The following IMMP2L variants were observed in gnomAD, a reference collection of about 807,000 sequenced individuals.
IMMP2L encodes the protein mitochondrial inner membrane protease subunit 2.
IMMP2L carries 18 observed loss-of-function variants against 19.3 expected under a neutral mutation model. The ratio of observed to expected loss-of-function variants is 0.93; its 90% confidence interval spans 0.64 to 1.38. The LOEUF is 1.38. Among genes scored for constraint, IMMP2L ranks in the 40% most tolerant of loss-of-function variants. The pLI is 0.00. For missense variants in IMMP2L, 233 were observed against 218.2 expected (o/e 1.07, Z -0.43); for synonymous variants, 76 against 73.0 (o/e 1.04, Z -0.21).
chr7:111,299,355 T>A (rs998246427), intron 3 of IMMP2L, among the ~76,000 whole-genome samples: 1 of 152,132 alleles, frequency 6.6e-6, no homozygotes, highest in Non-Finnish European at 1.5e-5. Context: ...ACACCAGTTA[T>A]CACTAAATAG....
intron 3 of IMMP2L, among the ~76,000 whole-genome samples, chr7:110,972,369 A>G (rs1006009620): frequency 3.3e-5 from 5 of 152,088 alleles, no homozygotes; most frequent in Non-Finnish European, 7.4e-5. Context: ...TAGTTTGTCA[A>G]TGCTTTAACC....
intron 3 of IMMP2L, among the ~76,000 whole-genome samples, chr7:111,028,917 ACT>A (rs1186362665): frequency 6.6e-6 from 1 of 152,148 alleles, no homozygotes; most frequent in East Asian, 1.9e-4. Flanking sequence ...ATGTCACTGG[ACT>A]CTGAACCTCC....
At position 110,904,554 on chromosome 7, in the gene IMMP2L, T is replaced by C. The variant is rs116163166; in HGVS notation, c.306-17859A>G. On this transcript the variant is annotated intron_variant, in intron 4 of 5. Coordinates refer to ENST00000405709, the MANE Select transcript of IMMP2L (RefSeq NM_032549.4). The stretch of plus-strand genomic sequence containing the variant: ...TGGCATCCTTTTCAAAGATCAGTTA[T>C]ATGCATGGATTTATTCCCAGGGTTT... Among the ~76,000 whole-genome samples the C allele has an allele frequency of 4.4e-3, 671 of 152,330 alleles. 7 individuals are homozygous for C. The highest frequency in any genetic ancestry group is 0.016 in the African/African-American group (647 of 41,580).
At chr7:111,078,829 T>A (rs1159787179) in intron 3 of IMMP2L, among the ~76,000 whole-genome samples, 1 of 152,078 alleles carries the variant, frequency 6.6e-6, no homozygotes, top group Non-Finnish European at 1.5e-5. Flanking sequence ...CTACCAGGTT[T>A]CAGTGATTCT....
At chr7:111,242,621 G>A (rs1016867159) in intron 3 of IMMP2L, among the ~76,000 whole-genome samples, 2 of 151,950 alleles carry the variant, frequency 1.3e-5, no homozygotes, top group African/African-American at 4.8e-5. Flanking sequence ...GCACACAAAC[G>A]AGCTTGCTGG....
intron 3 of IMMP2L, among the ~76,000 whole-genome samples, chr7:111,389,370 T>C (rs1002885620): frequency 1.6e-4 from 24 of 152,226 alleles, no homozygotes; most frequent in Non-Finnish European, 3.4e-4. Flanking sequence ...AGTTAGTGAA[T>C]TATGAATTGA....
At chr7:111,488,916 T>C (rs1479456916) in intron 2 of IMMP2L, among the ~76,000 whole-genome samples, 4 of 152,160 alleles carry the variant, frequency 2.6e-5, no homozygotes, top group African/African-American at 9.7e-5. Context: ...TGAGGTAGTA[T>C]TGCATTGTGG....
intron 3 of IMMP2L, among the ~76,000 whole-genome samples, chr7:111,451,337 A>T (rs1210036051): frequency 6.6e-6 from 1 of 151,436 alleles, no homozygotes; most frequent in Non-Finnish European, 1.5e-5. Flanking sequence ...GATAGACTAG[A>T]TTAAGAAAAT....
intron 3 of IMMP2L, among the ~76,000 whole-genome samples, chr7:111,266,712 T>C (rs952793739): frequency 2.6e-5 from 4 of 152,136 alleles, no homozygotes; most frequent in African/African-American, 9.7e-5. Flanking sequence ...AAGTCCCCAG[T>C]TAAATAGCTA....
At chr7:110,669,052 C>CGTGTGTGTGT in intron 5 of IMMP2L, among the ~76,000 whole-genome samples, 1 of 65,322 alleles carries the variant, frequency 1.5e-5, no homozygotes, top group South Asian at 6.4e-4. Context: ...TGTGTGTGTG[C>CGTGTGTGTGT]GTGTGTGTGT....
chr7:111,377,639 A>G (rs1830804488), intron 3 of IMMP2L, among the ~76,000 whole-genome samples: 1 of 151,932 alleles, frequency 6.6e-6, no homozygotes, highest in Non-Finnish European at 1.5e-5. Flanking sequence ...GGGCCTATTT[A>G]TTCGGCTTGG....
chr7:111,236,738 G>C (rs377175223), intron 3 of IMMP2L, among the ~76,000 whole-genome samples: 4 of 152,010 alleles, frequency 2.6e-5, no homozygotes, highest in Admixed American at 6.6e-5. Context: ...GTCAACCCTA[G>C]ACTACCAACA....
At chr7:111,416,591 A>G (rs536974043) in intron 3 of IMMP2L, among the ~76,000 whole-genome samples, 1 of 151,950 alleles carries the variant, frequency 6.6e-6, no homozygotes, top group South Asian at 2.1e-4. Context: ...AAAAAGTTTT[A>G]ACCCCTGCTT....
At chr7:111,301,275 T>G (rs914430668) in intron 3 of IMMP2L, among the ~76,000 whole-genome samples, 1 of 152,164 alleles carries the variant, frequency 6.6e-6, no homozygotes, top group Non-Finnish European at 1.5e-5. Flanking sequence ...TGTCTTTTGT[T>G]CATTTCCTAA....
At chr7:110,761,332 T>G (rs1798337674) in intron 5 of IMMP2L, among the ~76,000 whole-genome samples, 1 of 152,154 alleles carries the variant, frequency 6.6e-6, no homozygotes, top group African/African-American at 2.4e-5. Context: ...AAACAAAGCT[T>G]TCCAATGATC....
At chr7:111,009,063 C>A (rs1206180460) in intron 3 of IMMP2L, among the ~76,000 whole-genome samples, 1 of 151,992 alleles carries the variant, frequency 6.6e-6, no homozygotes, top group African/African-American at 2.4e-5. Flanking sequence ...TATCATTTTA[C>A]AATTTTGGGG....
chr7:110,682,080 T>C (rs1792761321), intron 5 of IMMP2L, among the ~76,000 whole-genome samples: 1 of 152,148 alleles, frequency 6.6e-6, no homozygotes, highest in Admixed American at 6.6e-5. Flanking sequence ...TCTGTTTCAT[T>C]TCTCAGCACT....
At chr7:111,076,926 A>C (rs1362105865) in intron 3 of IMMP2L, among the ~76,000 whole-genome samples, 4 of 152,010 alleles carry the variant, frequency 2.6e-5, no homozygotes, top group African/African-American at 9.7e-5. Context: ...ACTATATTTT[A>C]TTTTTCTTCT....
chr7:111,549,375 A>T (rs1849231968), intron 1 of IMMP2L, among the ~76,000 whole-genome samples: 1 of 152,206 alleles, frequency 6.6e-6, no homozygotes, highest in Non-Finnish European at 1.5e-5. Flanking sequence ...TTCACAGACA[A>T]AAAGTGACTT....
Sources: gnomAD v4.1 joint callset for allele counts (sites outside exome capture counted in the v4.1 genomes callset) on GRCh38, gnomAD v4.1.1 for gene constraint, MANE v1.5 for transcripts, NCBI Gene and HGNC (gene_info 2026-07-23, HGNC 2026-07-21) for gene names.